Variants in ARID1B observed in about 807,000 individuals in gnomAD.
ARID1B encodes AT-rich interaction domain 1B, also known as AT-rich interactive domain-containing protein 1B.
ARID1B carries 30 observed loss-of-function variants against 212.3 expected under a neutral mutation model. The ratio of observed to expected loss-of-function variants is 0.14; its 90% CI spans 0.11 to 0.19. The LOEUF is 0.19. Ranked by LOEUF, ARID1B falls within the 10% of genes least tolerant of loss-of-function variation. ARID1B has a pLI of 1.00. For missense variants in ARID1B, 2,891 were observed against 3,204.0 expected (o/e 0.90, Z 2.36); for synonymous variants, 1,402 against 1,301.7 (o/e 1.08, Z -1.66).
intron 1 of ARID1B, among the ~76,000 whole-genome samples, chr6:156,802,730 A>G (rs182268884): frequency 9.8e-5 from 15 of 152,386 alleles, no homozygotes; most frequent in Admixed American, 5.9e-4. Context: ...AAGCTTTTAA[A>G]TAAGGAGAAA....
In ARID1B at chr6:156,866,445, G is replaced by A. The variant is rs561759005; in HGVS notation, c.1987-34931G>A. 1.7e-4 allele frequency among the ~76,000 whole-genome samples: 26 copies of A among 152,230 alleles called. 1 individual carries two copies. The highest frequency in any genetic ancestry group is 2.6e-4 in the Non-Finnish European group (18 of 68,012). ...TGTCGGACTTAACCTTTCCAGGTTG[G>A]GTAAGTTAGTTACTATTTGTCCATC... On this transcript the variant is annotated intron_variant, in intron 2 of 19. Transcript: ENST00000636930.
intron 3 of ARID1B, among the ~76,000 whole-genome samples, chr6:156,934,914 A>T (rs9397986): frequency 0.23 from 2,506 of 11,026 alleles, 129 homozygotes; most frequent in East Asian, 0.36. Flanking sequence ...GTTGTTAATT[A>T]TATATATATA....
intron 8 of ARID1B, among the ~76,000 whole-genome samples, chr6:157,161,349 G>A (rs927317493): frequency 4.6e-5 from 7 of 151,898 alleles, no homozygotes; most frequent in African/African-American, 1.7e-4. Context: ...TGCAGCTGTT[G>A]TTGCAGGCAC....
rs1233283250 is a variant in ARID1B at position 157,148,971 on chromosome 6, G to C, written c.3089+20G>C. On this transcript the variant is annotated intron_variant, in intron 8 of 19. Coordinates refer to ENST00000636930, the MANE Select transcript of ARID1B (RefSeq NM_001374828.1). The surrounding 1 kb of genome is among the most constrained non-coding windows in gnomAD (Gnocchi z 5.6). Reference sequence around the variant, plus strand: ...AAGCAGGTACGCCACCCAGGAGCACGCCCCGGGCAGGTACGCTGTGTGTCT... The same window carrying C: ...AAGCAGGTACGCCACCCAGGAGCACCCCCCGGGCAGGTACGCTGTGTGTCT... The C allele has an allele frequency of 1.3e-6, 2 of 1,598,436 alleles. No individual in the cohort carries two copies. Among genetic ancestry groups the C allele is most frequent in the East Asian group, 4.5e-5 (2 of 44,476 alleles).
At chr6:157,061,078 A>G (rs1783312837) in intron 4 of ARID1B, among the ~76,000 whole-genome samples, 1 of 152,190 alleles carries the variant, frequency 6.6e-6, no homozygotes, top group Non-Finnish European at 1.5e-5. Flanking sequence ...CTCGTGACTC[A>G]GGCTGTCCCC....
At chr6:156,873,449 C>T (rs1786304055) in intron 2 of ARID1B, among the ~76,000 whole-genome samples, 1 of 152,112 alleles carries the variant, frequency 6.6e-6, no homozygotes, top group African/African-American at 2.4e-5. Flanking sequence ...CATATTTAGT[C>T]ACAAATATTT....
intron 19 of ARID1B, 122 bp downstream of exon 19, chr6:157,204,118 G>A (rs1205751369): frequency 2.3e-6 from 3 of 1,277,824 alleles, no homozygotes; most frequent in Admixed American, 1.9e-5. Context: ...GTTAATCACT[G>A]CAGTTGTTAT....
chr6:156,935,335 C>G (rs1792107835), intron 3 of ARID1B, 131 bp from the exon 4 acceptor site: 1 of 716,848 alleles, frequency 1.4e-6, no homozygotes, highest in Non-Finnish European at 2.4e-6. Flanking sequence ...CTGCCTTGAT[C>G]TCCCGAAGTG....
intron 3 of ARID1B, among the ~76,000 whole-genome samples, chr6:156,925,590 C>A (rs1791150432): frequency 6.6e-6 from 1 of 152,032 alleles, no homozygotes; most frequent in African/African-American, 2.4e-5. Flanking sequence ...AAATAATATC[C>A]TGAATATTCT....
chr6:157,122,098 C>G (rs1787762789), intron 6 of ARID1B, among the ~76,000 whole-genome samples: 1 of 152,182 alleles, frequency 6.6e-6, no homozygotes, highest in Non-Finnish European at 1.5e-5. Context: ...GCACCTATGA[C>G]AATGACTGGC....
intron 4 of ARID1B, chr6:156,940,648 G>T (rs1345929727): frequency 6.6e-6 from 1 of 152,200 alleles, no homozygotes; most frequent in Non-Finnish European, 1.5e-5. Flanking sequence ...TACTCTGTTT[G>T]TGTTGGTTTT....
At chr6:156,889,629 G>A (rs779190266) in intron 2 of ARID1B, among the ~76,000 whole-genome samples, 27 of 152,154 alleles carry the variant, frequency 1.8e-4, no homozygotes, top group Non-Finnish European at 4.0e-4. Flanking sequence ...TCCTTTTCCA[G>A]GTACCTCGAA....
chr6:157,012,029 T>A (rs1779643966), intron 4 of ARID1B, among the ~76,000 whole-genome samples: 1 of 152,222 alleles, frequency 6.6e-6, no homozygotes, highest in South Asian at 2.1e-4. Flanking sequence ...AACACATAAA[T>A]GTCTATAAAA....
chr6:156,862,265 G>A (rs535446915), intron 2 of ARID1B, among the ~76,000 whole-genome samples: 3 of 152,322 alleles, frequency 2.0e-5, no homozygotes, highest in East Asian at 3.9e-4. Flanking sequence ...ACAAATAGCC[G>A]TGGTGTGCCC....
chr6:157,152,861 A>G (rs1790302640), intron 8 of ARID1B, among the ~76,000 whole-genome samples: 1 of 152,234 alleles, frequency 6.6e-6, no homozygotes, highest in South Asian at 2.1e-4. Context: ...AAGAAATGGC[A>G]TAGTGTGGGA....
rs780758224 is a variant in ARID1B at position 157,184,411 on chromosome 6, C to G, written c.3895C>G (p.Pro1299Ala). ...CAGCACCGGGGACACCAAAAAGCAG[C>G]CCAAGCTCCAGCCGCCATCTCCTGG... Reference protein sequence around the residue: ...VFSTGDTKKQPKLQPPSPANS... With the variant: ...VFSTGDTKKQAKLQPPSPANS... The change falls in exon 13 of 20, where the codon CCC becomes GCC. Residue 1299 changes from proline to alanine, a missense_variant. Physicochemically the swap from Pro to Ala is conservative, Grantham distance 27 (BLOSUM62 -1). Coordinates refer to ENST00000636930, the MANE Select transcript of ARID1B (RefSeq NM_001374828.1). 1 of 1,614,098 alleles carries G rather than the reference C, an allele frequency of 6.2e-7. No homozygotes were observed. The highest frequency in any genetic ancestry group is 1.7e-5 in the Admixed American group (1 of 60,028).
chr6:156,989,097 A>C (rs1331057053), intron 4 of ARID1B, among the ~76,000 whole-genome samples: 1 of 152,050 alleles, frequency 6.6e-6, no homozygotes, highest in Non-Finnish European at 1.5e-5. Flanking sequence ...GTGATCTCCT[A>C]CTCCCATTCT....
chr6:156,884,953 A>G (rs1787391166), intron 2 of ARID1B, among the ~76,000 whole-genome samples: 2 of 152,208 alleles, frequency 1.3e-5, no homozygotes, highest in African/African-American at 4.8e-5. Flanking sequence ...TGTAAGAAAC[A>G]TTTTTGAAAG....
chr6:156,958,794 G>T (rs1794149410), intron 4 of ARID1B, among the ~76,000 whole-genome samples: 1 of 152,180 alleles, frequency 6.6e-6, no homozygotes, highest in Non-Finnish European at 1.5e-5. Flanking sequence ...ACCAAGGGGT[G>T]ATTGTAGTCC....
Sources: gnomAD v4.1 joint callset for allele counts (sites outside exome capture counted in the v4.1 genomes callset) on GRCh38, gnomAD v4.1.1 for gene constraint, Gnocchi (gnomAD v3.1) non-coding constraint, MANE v1.5 for transcripts, NCBI Gene and HGNC (gene_info 2026-07-23, HGNC 2026-07-21) for gene names.